RBFOX1: variants seen among roughly 807,000 people sequenced by gnomAD.
RBFOX1 encodes the protein RNA binding fox-1 homolog 1.
A neutral mutation model predicts 57.7 loss-of-function variants in RBFOX1; 8 were observed. The ratio of observed to expected loss-of-function variants is 0.14; its 90% confidence interval spans 0.08 to 0.25. The LOEUF is 0.25. Ranked by LOEUF, RBFOX1 falls within the 10% of genes least tolerant of loss-of-function variation. The pLI, the probability that RBFOX1 is intolerant of heterozygous loss-of-function variation, is 1.00. For synonymous variants in RBFOX1, 326 were observed against 222.4 expected, an observed-to-expected ratio of 1.47 and a Z score of -4.15; for missense variants, 611 against 548.5, an observed-to-expected ratio of 1.11 and a Z score of -1.14.
chr16:5,253,050 G>T (rs1467681150), intron 1 of RBFOX1, among the ~76,000 whole-genome samples: 1 of 152,188 alleles, frequency 6.6e-6, no homozygotes, highest in Non-Finnish European at 1.5e-5. Flanking sequence ...GCAAAGAGCC[G>T]CTTAATTTTC....
intron 5 of RBFOX1, among the ~76,000 whole-genome samples, chr16:7,563,234 G>A (rs560030398): frequency 9.6e-4 from 146 of 152,264 alleles, no homozygotes; most frequent in Middle Eastern, 3.4e-3. Flanking sequence ...CTCGATGCTG[G>A]TTATTATAAT....
chr16:7,266,131 C>T (rs1047759232), intron 4 of RBFOX1, among the ~76,000 whole-genome samples: 6 of 151,910 alleles, frequency 3.9e-5, no homozygotes, highest in African/African-American at 1.5e-4. Context: ...CTCGCCAATA[C>T]ACCTGGCTAA....
rs550812462 is a variant in RBFOX1 at position 5,551,404 on chromosome 16, G to C, written c.259-47498G>C. Among the ~76,000 whole-genome samples the C allele has an allele frequency of 8.5e-5, 13 of 152,326 alleles. No homozygotes were observed. In the East Asian group the frequency reaches 1.7e-3, roughly 20 times the overall value. On this transcript the variant is annotated intron_variant, in intron 2 of 2. Coordinates refer to the RBFOX1 transcript ENST00000585867. ...GGACGGGACACAGCCAGAGCTGCTAGTATATGCACAGGGCGATTCCAACAA... is the reference window on the plus strand; with the variant it reads ...GGACGGGACACAGCCAGAGCTGCTACTATATGCACAGGGCGATTCCAACAA...
chr16:6,928,197 GAT>G (rs2075950703), intron 3 of RBFOX1, among the ~76,000 whole-genome samples: 1 of 152,182 alleles, frequency 6.6e-6, no homozygotes, highest in Admixed American at 6.5e-5. Context: ...TGTTAGAAAA[GAT>G]TGATGTCTGG....
At chr16:5,419,491 C>T (rs2067251559) in intron 1 of RBFOX1, among the ~76,000 whole-genome samples, 1 of 151,920 alleles carries the variant, frequency 6.6e-6, no homozygotes, top group South Asian at 2.1e-4. Flanking sequence ...TCTGCCTTTC[C>T]CAGTCCACTG....
intron 4 of RBFOX1, among the ~76,000 whole-genome samples, chr16:7,089,612 T>C (rs932362264): frequency 6.6e-6 from 1 of 152,162 alleles, no homozygotes; most frequent in African/African-American, 2.4e-5. Context: ...GTCTGTGATA[T>C]TATTTATGAA....
At chr16:7,175,480 G>A (rs924777837) in intron 4 of RBFOX1, among the ~76,000 whole-genome samples, 1 of 152,162 alleles carries the variant, frequency 6.6e-6, no homozygotes, top group African/African-American at 2.4e-5. Context: ...GTGTGACAGG[G>A]AGCTGAGACT....
At position 7,435,537 on chromosome 16, in the gene RBFOX1, T is replaced by C. The variant is rs115522935; in HGVS notation, c.28-82610T>C. ...CTTACGGGTGAGGTGTTTGTTAGGC[T>C]TCACCTCCTTGAAGCAGCAGCATCT... On this transcript the variant is annotated intron_variant, in intron 4 of 15. Coordinates refer to ENST00000550418, the MANE Select transcript of RBFOX1 (RefSeq NM_018723.4). 1.1e-3 allele frequency among the ~76,000 whole-genome samples: 165 copies of C among 152,300 alleles called. 1 individual carries two copies. Among genetic ancestry groups the C allele is most frequent in the African/African-American group, 3.8e-3 (156 of 41,558 alleles).
chr16:5,435,966 C>G (rs906063353), intron 1 of RBFOX1, among the ~76,000 whole-genome samples: 2 of 152,198 alleles, frequency 1.3e-5, no homozygotes, highest in South Asian at 2.1e-4. Flanking sequence ...AATTTGAAGT[C>G]TTTGAAGATT....
intron 4 of RBFOX1, among the ~76,000 whole-genome samples, chr16:7,399,793 C>G (rs904928523): frequency 3.3e-5 from 5 of 152,204 alleles, no homozygotes; most frequent in East Asian, 1.9e-4. Flanking sequence ...GTCATAGTCA[C>G]AGGCACGAGG....
At chr16:7,533,215 G>T (rs2080576622) in intron 5 of RBFOX1, among the ~76,000 whole-genome samples, 2 of 152,166 alleles carry the variant, frequency 1.3e-5, no homozygotes, top group Non-Finnish European at 1.5e-5. Context: ...AAAAGATTTG[G>T]TATTTCTTAC....
At chr16:5,861,661 A>G (rs533613237) in intron 3 of RBFOX1, among the ~76,000 whole-genome samples, 2 of 152,260 alleles carry the variant, frequency 1.3e-5, no homozygotes, top group Admixed American at 6.5e-5. Context: ...TAATCCACCC[A>G]TGCCCCATGA....
At chr16:6,759,234 T>G (rs1226329759) in intron 3 of RBFOX1, among the ~76,000 whole-genome samples, 1 of 151,272 alleles carries the variant, frequency 6.6e-6, no homozygotes, top group Admixed American at 6.6e-5. Context: ...CACTGGAACC[T>G]CCACCTCCTG....
chr16:7,526,340 C>G (rs939972979), intron 5 of RBFOX1, among the ~76,000 whole-genome samples: 2 of 152,140 alleles, frequency 1.3e-5, no homozygotes, highest in African/African-American at 4.8e-5. Context: ...TTCGTGGCTG[C>G]CCTCTAGCTT....
chr16:5,326,640 C>G (rs1437748639), intron 1 of RBFOX1, among the ~76,000 whole-genome samples: 1 of 152,142 alleles, frequency 6.6e-6, no homozygotes, highest in Non-Finnish European at 1.5e-5. Flanking sequence ...GTGACTCATC[C>G]AAGATCTGTA....
In RBFOX1 at chr16:5,988,207, C is replaced by T. The variant is rs545932553; in HGVS notation, c.351+120872C>T. On this transcript the variant is annotated intron_variant, in intron 4 of 19. Coordinates refer to the RBFOX1 transcript ENST00000641259. Reference sequence around the variant, plus strand: ...AATATAATATGAAATATCTGTTCATCATTTAACTCAGGGAAGTCTTTTCCC... The same window carrying T: ...AATATAATATGAAATATCTGTTCATTATTTAACTCAGGGAAGTCTTTTCCC... Among the ~76,000 whole-genome samples the T allele has an allele frequency of 2.0e-5, 3 of 152,308 alleles. No homozygotes were observed. In the East Asian group the frequency reaches 5.8e-4, roughly 29 times the overall value.
chr16:6,283,884 C>T (rs552067852), intron 1 of RBFOX1, among the ~76,000 whole-genome samples: 3 of 152,306 alleles, frequency 2.0e-5, no homozygotes, highest in South Asian at 2.1e-4. Context: ...GCTTGCCTCA[C>T]GCTAAACCGA....
Position 6,796,132 on chromosome 16 carries a change from A to AAAGGTAT in RBFOX1, c.-16+141483_-16+141489dup, listed in dbSNP as rs1201527798. Among the ~76,000 whole-genome samples the AAAGGTAT allele has an allele frequency of 2.0e-5, 3 of 151,670 alleles. No individual in the cohort carries two copies. In the East Asian group the frequency reaches 5.8e-4, roughly 29 times the overall value. Reference sequence around the variant, plus strand: ...GGCCTCACAGTCATGGCGGAAGGTGAAAGGTATGTCTCACATGGTGGCGGA... The same window carrying AAAGGTAT: ...GGCCTCACAGTCATGGCGGAAGGTGAAAGGTATAAGGTATGTCTCACATGGTGGCGGA... On this transcript the variant is annotated intron_variant, in intron 3 of 15. Transcript: ENST00000550418.
intron 4 of RBFOX1, among the ~76,000 whole-genome samples, chr16:7,455,284 C>A (rs1419249298): frequency 6.6e-6 from 1 of 152,010 alleles, no homozygotes; most frequent in African/African-American, 2.4e-5. Context: ...GATACATCAC[C>A]CTCCCTATAT....
Sources: gnomAD v4.1 joint callset for allele counts (sites outside exome capture counted in the v4.1 genomes callset) on GRCh38, gnomAD v4.1.1 for gene constraint, MANE v1.5 for transcripts, NCBI Gene and HGNC (gene_info 2026-07-23, HGNC 2026-07-21) for gene names.